The following TRPC5 variants were observed in gnomAD, a reference collection of about 807,000 sequenced individuals.
TRPC5 encodes short transient receptor potential channel 5.
Under a neutral mutation model 56.5 loss-of-function variants are expected in TRPC5, and 9 were observed. The observed-to-expected ratio is 0.16, with a 90% CI of 0.10 to 0.28. TRPC5 has a LOEUF of 0.28. TRPC5 is among the 10% of genes least tolerant of loss of function. The pLI is 1.00. For synonymous variants in TRPC5, 282 were observed against 278.5 expected, an observed-to-expected ratio of 1.01 and a Z score of -0.13; for missense variants, 469 against 748.9, an observed-to-expected ratio of 0.63 and a Z score of 4.36.
In TRPC5 at chrX:111,950,185, C is replaced by T. The variant is rs182511658; in HGVS notation, c.378+1858G>A. ...TACAAATACAAAAAAATTAGCCAGGCGTGGTGGCAGGCACCTGTAGTCCCA... is the reference window on the plus strand; with the variant it reads ...TACAAATACAAAAAAATTAGCCAGGTGTGGTGGCAGGCACCTGTAGTCCCA... On this transcript the variant is annotated intron_variant, in intron 2 of 10. Transcript: ENST00000262839. 6.9e-3 allele frequency among the ~76,000 whole-genome samples: 766 copies of T among 110,347 alleles called. 3 individuals are homozygous for T. The highest frequency in any genetic ancestry group is 0.028 in the Middle Eastern group (6 of 215).
In TRPC5 at chrX:111,782,267, C is replaced by T. The variant is rs1945925617; in HGVS notation, c.1897-129G>A. The T allele has an allele frequency of 1.0e-5, 5 of 483,894 alleles. No homozygotes were observed. The African/African-American group carries it at 1.2e-4, about 12-fold the overall frequency. 39.9% of individuals were successfully genotyped at this position (483,894 alleles called of 1,213,427 possible). On this transcript the variant is annotated intron_variant, in intron 7 of 10. Transcript: ENST00000262839. ...AAGAGCTATATAAATTCAAATTATA[C>T]ATACCCTGTCACCCAGTAACCCTAC...
At chrX:111,807,548 G>A (rs955203425) in intron 7 of TRPC5, among the ~76,000 whole-genome samples, 25 of 112,611 alleles carry the variant, frequency 2.2e-4, no homozygotes, top group African/African-American at 7.7e-4. Flanking sequence ...ACATATCTCT[G>A]TATCCCTGGG....
chrX:111,941,712 C>T (rs1002547404), intron 2 of TRPC5, among the ~76,000 whole-genome samples: 4 of 111,850 alleles, frequency 3.6e-5, no homozygotes, highest in South Asian at 3.8e-4. Context: ...GACAGTGGGG[C>T]GTCAGAGAGG....
At chrX:111,807,082 A>G (rs1921537575) in intron 7 of TRPC5, among the ~76,000 whole-genome samples, 1 of 111,333 alleles carries the variant, frequency 9.0e-6, no homozygotes, top group Non-Finnish European at 1.9e-5. Flanking sequence ...GTGTTCTATT[A>G]CCTTCTTGTA....
intron 1 of TRPC5, among the ~76,000 whole-genome samples, chrX:112,014,135 G>A (rs1460955533): frequency 1.8e-5 from 2 of 111,570 alleles, no homozygotes; most frequent in Non-Finnish European, 3.8e-5. Flanking sequence ...GTTCCCAGGT[G>A]CTGCTGGTGC....
chrX:111,977,984 T>C (rs1297145617), intron 1 of TRPC5, among the ~76,000 whole-genome samples: 1 of 111,122 alleles, frequency 9.0e-6, no homozygotes, highest in Non-Finnish European at 1.9e-5. Flanking sequence ...GGTGAGGATG[T>C]AGAGAAAGGG....
chrX:111,862,496 C>T (rs1272562246), intron 3 of TRPC5, among the ~76,000 whole-genome samples: 1 of 112,260 alleles, frequency 8.9e-6, no homozygotes, highest in African/African-American at 3.2e-5. Context: ...GACAGACTTA[C>T]TGTTGTCATA....
intron 3 of TRPC5, among the ~76,000 whole-genome samples, chrX:111,907,432 G>C (rs1235674822): frequency 9.1e-6 from 1 of 110,088 alleles, no homozygotes. Context: ...TTTGAGACCA[G>C]CTGGCCAACA....
intron 3 of TRPC5, among the ~76,000 whole-genome samples, chrX:111,868,991 G>GT (rs199945704): frequency 0.022 from 2,452 of 111,707 alleles, 26 homozygotes; most frequent in Non-Finnish European, 0.035. Flanking sequence ...TTTGTTTTTA[G>GT]TTGCCAATCA....
rs759490649 is a variant in TRPC5 at position 112,038,972 on chromosome X, G to A, written c.-22+42907C>T. Reference sequence around the variant, plus strand: ...CCCAAAGTGCTGGGATTACAGGTGTGAGCCACCGCGCCCAGCCTATGGGGC... The same window carrying A: ...CCCAAAGTGCTGGGATTACAGGTGTAAGCCACCGCGCCCAGCCTATGGGGC... On this transcript the variant is annotated intron_variant, in intron 1 of 10. Transcript: ENST00000262839. 5.5e-3 allele frequency among the ~76,000 whole-genome samples: 592 copies of A among 108,385 alleles called. 3 individuals carry two copies. The highest frequency in any genetic ancestry group is 7.6e-3 in the Non-Finnish European group (396 of 52,238). The allele number at this position is 108,385 out of a possible 115,157, so 94.1% of individuals were successfully genotyped here.
intron 1 of TRPC5, among the ~76,000 whole-genome samples, chrX:112,041,047 C>T (rs12012977): frequency 0.12 from 13,548 of 111,330 alleles, 691 homozygotes; most frequent in African/African-American, 0.16. Flanking sequence ...GGTGAGAGTA[C>T]GCTGACTCCT....
chrX:111,852,040 C>A (rs760433111), intron 5 of TRPC5, among the ~76,000 whole-genome samples: 7 of 112,089 alleles, frequency 6.2e-5, no homozygotes, highest in African/African-American at 1.9e-4. Flanking sequence ...ATTTAAACAC[C>A]GAAAGCTGAA....
chrX:111,920,930 C>T, intron 2 of TRPC5, among the ~76,000 whole-genome samples: 1 of 111,938 alleles, frequency 8.9e-6, no homozygotes, highest in Admixed American at 9.5e-5. Flanking sequence ...AAAACATAAA[C>T]TAGAGGTCCT....
chrX:111,947,227 A>C (rs1035360996), intron 2 of TRPC5, among the ~76,000 whole-genome samples: 6 of 111,797 alleles, frequency 5.4e-5, no homozygotes, highest in African/African-American at 2.0e-4. Flanking sequence ...AGTGGTTAGG[A>C]GAGTGTGTTC....
intron 3 of TRPC5, among the ~76,000 whole-genome samples, chrX:111,889,258 A>T (rs1348478548): frequency 9.0e-6 from 1 of 111,452 alleles, no homozygotes; most frequent in Non-Finnish European, 1.9e-5. Context: ...AATTGGATTT[A>T]GCAATGCAGA....
chrX:111,817,490 T>C (rs2148568501), intron 7 of TRPC5, among the ~76,000 whole-genome samples: 1 of 109,632 alleles, frequency 9.1e-6, no homozygotes, highest in Non-Finnish European at 1.9e-5. Context: ...CACACCCAGA[T>C]AATTTTTGTA....
At chrX:111,890,811 T>A (rs1310542625) in intron 3 of TRPC5, among the ~76,000 whole-genome samples, 1 of 112,072 alleles carries the variant, frequency 8.9e-6, no homozygotes, top group Non-Finnish European at 1.9e-5. Flanking sequence ...GATTATTTTA[T>A]CACTTAGGTA....
chrX:111,854,433 G>T (rs1337703511), intron 3 of TRPC5, among the ~76,000 whole-genome samples: 1 of 111,620 alleles, frequency 9.0e-6, no homozygotes, highest in Non-Finnish European at 1.9e-5. Context: ...TTTTACATCA[G>T]AATCATCCAG....
In TRPC5 at chrX:111,776,205, C is replaced by G; in HGVS notation, c.*108G>C. The G allele has an allele frequency of 1.3e-6, 1 of 777,938 alleles. No individual in the cohort carries two copies. Among genetic ancestry groups the G allele is most frequent in the Non-Finnish European group, 1.8e-6 (1 of 555,264 alleles). 64.1% of individuals were successfully genotyped at this position (777,938 alleles called of 1,213,427 possible). A position where few individuals can be genotyped will look rare whatever the true frequency, so the allele number is the denominator to read the frequency against. On this transcript the variant is annotated 3_prime_UTR_variant, in exon 11 of 11. Transcript: ENST00000262839. ...ATGGTGCAAATAAGAGTTTCACTCTCCTTTCTGGGGGGCAGGGGCAGTGAG... is the reference window on the plus strand; with the variant it reads ...ATGGTGCAAATAAGAGTTTCACTCTGCTTTCTGGGGGGCAGGGGCAGTGAG...
Sources: allele counts gnomAD v4.1 joint callset (sites outside exome capture counted in the v4.1 genomes callset), GRCh38; gene constraint gnomAD v4.1.1; transcripts MANE v1.5; gene names NCBI Gene and HGNC (gene_info 2026-07-23, HGNC 2026-07-21).